The following ARAP2 variants were observed in gnomAD, a reference collection of about 807,000 sequenced individuals.
ARAP2 encodes the protein arf-GAP with Rho-GAP domain, ANK repeat and PH domain-containing protein 2.
In ARAP2, 148 loss-of-function variants were observed where a neutral mutation model predicts 194.5. The observed-to-expected ratio is 0.76, with a 90% CI of 0.67 to 0.87. ARAP2 has a LOEUF of 0.87. ARAP2 is among the 40% of genes least tolerant of loss of function. ARAP2 has a pLI of 0.00. For missense variants in ARAP2, 2,128 were observed against 1,989.7 expected, an observed-to-expected ratio of 1.07 and a Z score of -1.32; for synonymous variants, 695 against 683.5, an observed-to-expected ratio of 1.02 and a Z score of -0.26.
chr4:36,096,962 T>C (rs1553899383), intron 27 of ARAP2, among the ~76,000 whole-genome samples: 1 of 152,114 alleles, frequency 6.6e-6, no homozygotes, highest in Non-Finnish European at 1.5e-5. Context: ...AGTTGTGAAA[T>C]ATAGATATTT....
chr4:36,174,272 A>G (rs1379630705), intron 9 of ARAP2, among the ~76,000 whole-genome samples: 1 of 152,228 alleles, frequency 6.6e-6, no homozygotes, highest in African/African-American at 2.4e-5. Flanking sequence ...AACACATTGC[A>G]GGCATCCAAA....
chr4:36,229,585 G>T lies in ARAP2; in HGVS notation c.-99C>A. 1.1e-6 allele frequency: 1 copy of T among 931,814 alleles called. No individual in the cohort carries two copies. The highest frequency in any genetic ancestry group is 1.6e-6 in the Non-Finnish European group (1 of 638,238). The allele number at this position is 931,814 out of a possible 1,614,324, so 57.7% of individuals were successfully genotyped here. On this transcript the variant is annotated 5_prime_UTR_variant, in exon 2 of 33. Transcript: ENST00000303965. ...TCTACTGGCTTTTCCTCTATCAATT[G>T]TGACAGAAAAGTTTCTTAAAATGTT...
intron 1 of ARAP2, among the ~76,000 whole-genome samples, chr4:36,240,823 CAAT>C (rs1019197071): frequency 6.6e-6 from 1 of 152,050 alleles, no homozygotes; most frequent in African/African-American, 2.4e-5. Flanking sequence ...CTGAAAAACA[CAAT>C]AAAAAAACCT....
At chr4:36,013,332 T>C (rs576485721) in intron 8 of ARAP2, among the ~76,000 whole-genome samples, 1 of 152,268 alleles carries the variant, frequency 6.6e-6, no homozygotes, top group African/African-American at 2.4e-5. Context: ...CACAAAAGAA[T>C]AGGAGGATAA....
At chr4:36,097,205 A>T (rs1038027696) in intron 27 of ARAP2, among the ~76,000 whole-genome samples, 2 of 152,140 alleles carry the variant, frequency 1.3e-5, no homozygotes, top group Non-Finnish European at 2.9e-5. Flanking sequence ...GAGTATATTG[A>T]GTACAAACCT....
At chr4:36,236,516 T>C (rs1752488135) in intron 1 of ARAP2, among the ~76,000 whole-genome samples, 1 of 152,112 alleles carries the variant, frequency 6.6e-6, no homozygotes, top group South Asian at 2.1e-4. Flanking sequence ...AACACATCCT[T>C]AGCAAAGTTA....
At chr4:36,200,337 C>T (rs1744112958) in intron 6 of ARAP2, among the ~76,000 whole-genome samples, 2 of 152,046 alleles carry the variant, frequency 1.3e-5, no homozygotes, top group South Asian at 2.1e-4. Flanking sequence ...CTGACCACAA[C>T]CTCCACCTCC....
At chr4:36,085,868 G>C (rs1331049955) in intron 28 of ARAP2, among the ~76,000 whole-genome samples, 1 of 152,004 alleles carries the variant, frequency 6.6e-6, no homozygotes. Flanking sequence ...TTTTCAAGTA[G>C]TTTATGCATT....
At position 36,175,450 on chromosome 4, in the gene ARAP2, G is replaced by A. The variant is rs576388542; in HGVS notation, c.1857+2377C>T. On this transcript the variant is annotated intron_variant, in intron 9 of 32. Coordinates refer to ENST00000303965, the MANE Select transcript of ARAP2 (RefSeq NM_015230.4). Reference sequence around the variant, plus strand: ...GGGAAAAAGGCACATACCAGGATGCGAAAATACATGAAAACGGAATGGTAT... The same window carrying A: ...GGGAAAAAGGCACATACCAGGATGCAAAAATACATGAAAACGGAATGGTAT... Among the ~76,000 whole-genome samples the A allele has an allele frequency of 5.7e-3, 869 of 152,230 alleles. 8 individuals are homozygous for A. The highest frequency in any genetic ancestry group is 7.7e-3 in the Non-Finnish European group (521 of 68,006).
intron 8 of ARAP2, among the ~76,000 whole-genome samples, chr4:36,013,689 A>C (rs992506010): frequency 1.3e-5 from 2 of 152,196 alleles, no homozygotes; most frequent in African/African-American, 4.8e-5. Flanking sequence ...AACATACATT[A>C]GAGAATAATA....
chr4:36,082,040 T>C (rs547674815), intron 30 of ARAP2, among the ~76,000 whole-genome samples: 140 of 152,240 alleles, frequency 9.2e-4, no homozygotes, highest in African/African-American at 3.1e-3. Flanking sequence ...TAGTTTCACT[T>C]CAGAGGCATT....
At chr4:36,059,774 G>T (rs1421921471) in intron 1 of ARAP2, among the ~76,000 whole-genome samples, 2 of 152,164 alleles carry the variant, frequency 1.3e-5, no homozygotes, top group Non-Finnish European at 2.9e-5. Context: ...ATTACACAAA[G>T]GAGGGTGCTT....
chr4:36,160,620 T>C lies in ARAP2; in HGVS notation c.2281A>G (p.Lys761Glu). ...LIELFIVIGN[K>E]RANDFWAGNL... ...CCAGCCCAAAAGTCATTTGCTCTTT[T>C]GTTTCCAATGACAATAAAAAGCTGA... The change falls in exon 13 of 33, where the codon AAA becomes GAA. Residue 761 changes from lysine (K) to glutamate (E), a missense_variant. Coordinates refer to ENST00000303965, the MANE Select transcript of ARAP2 (RefSeq NM_015230.4). 6.8e-7 allele frequency: 1 copy of C among 1,474,432 alleles called. No homozygotes were observed. Among genetic ancestry groups the C allele is most frequent in the Non-Finnish European group, 8.9e-7 (1 of 1,122,622 alleles). 91.3% of individuals were successfully genotyped at this position (1,474,432 alleles called of 1,614,324 possible).
At chr4:36,179,489 G>A (rs4611949) in intron 8 of ARAP2, among the ~76,000 whole-genome samples, 148,276 of 152,332 alleles carry the variant, frequency 0.97, 72,197 homozygotes, top group East Asian at 1. Context: ...TAACCTGTAC[G>A]TAAGAAGACC....
intron 8 of ARAP2, 27 bp from the exon 9 acceptor site, chr4:36,178,032 A>C (rs1738380235): frequency 6.4e-7 from 1 of 1,556,146 alleles, no homozygotes; most frequent in African/African-American, 1.4e-5. Flanking sequence ...GAGAAAATAC[A>C]TAAATCCACA....
intron 5 of ARAP2, among the ~76,000 whole-genome samples, chr4:36,029,207 G>T (rs1364845742): frequency 6.6e-6 from 1 of 151,814 alleles, no homozygotes; most frequent in African/African-American, 2.4e-5. Flanking sequence ...TGTGTCGAAG[G>T]CCAAAATATT....
chr4:36,092,159 A>C, intron 27 of ARAP2, 139 bp from the exon 28 acceptor site: 2 of 955,912 alleles, frequency 2.1e-6, no homozygotes, highest in Non-Finnish European at 3.0e-6. Context: ...AACTTCCGGG[A>C]ATACCATGTG....
At chr4:36,216,224 C>A (rs564791142) in intron 2 of ARAP2, among the ~76,000 whole-genome samples, 5 of 152,122 alleles carry the variant, frequency 3.3e-5, no homozygotes, top group African/African-American at 1.2e-4. Flanking sequence ...TCGCTGCACT[C>A]CAGCCTGGGC....
At chr4:36,082,331 C>T (rs772643999) in intron 29 of ARAP2, 45 bp from the exon 30 acceptor site, 113 of 1,562,030 alleles carry the variant, frequency 7.2e-5, no homozygotes, top group Non-Finnish European at 9.4e-5. Context: ...AAAAATAATA[C>T]ATTTTACAAG....
Sources: allele counts gnomAD v4.1 joint callset (sites outside exome capture counted in the v4.1 genomes callset), GRCh38; gene constraint gnomAD v4.1.1; transcripts MANE v1.5; gene names NCBI Gene and HGNC (gene_info 2026-07-23, HGNC 2026-07-21).